The following AGBL1 variants were observed in gnomAD, a reference collection of about 807,000 sequenced individuals.
The protein encoded by AGBL1 is AGBL carboxypeptidase 1, also known as cytosolic carboxypeptidase 4.
Under a neutral mutation model 118.9 loss-of-function variants are expected in AGBL1, and 130 were observed. The ratio of observed to expected loss-of-function variants is 1.09; its 90% CI spans 0.95 to 1.26. The LOEUF (loss-of-function observed/expected upper bound fraction) is 1.26. AGBL1 is among the 50% of genes most tolerant of loss of function. The pLI, the probability that AGBL1 is intolerant of heterozygous loss-of-function variation, is 0.00. For missense variants in AGBL1, 1,584 were observed against 1,298.1 expected (o/e 1.22, Z -3.38); for synonymous variants, 555 against 478.9 (o/e 1.16, Z -2.08).
At chr15:86,342,215 C>T (rs2080471757) in intron 17 of AGBL1, among the ~76,000 whole-genome samples, 2 of 152,272 alleles carry the variant, frequency 1.3e-5, no homozygotes, top group East Asian at 1.9e-4. Flanking sequence ...AAGCTTTTTA[C>T]AGGATGAACA....
intron 22 of AGBL1, among the ~76,000 whole-genome samples, chr15:86,815,418 C>T (rs2078844613): frequency 6.6e-6 from 1 of 152,150 alleles, no homozygotes; most frequent in African/African-American, 2.4e-5. Flanking sequence ...GACATTCCCA[C>T]TTACTGCAAG....
downstream of AGBL1, among the ~76,000 whole-genome samples, chr15:87,030,013 G>GA (rs1017329286): frequency 1.4e-4 from 21 of 149,794 alleles, no homozygotes; most frequent in East Asian, 7.8e-4. Flanking sequence ...AAGGATAAAT[G>GA]AAAAAAAAAT....
At chr15:86,358,257 C>T (rs1209771759) in intron 17 of AGBL1, among the ~76,000 whole-genome samples, 2 of 152,006 alleles carry the variant, frequency 1.3e-5, no homozygotes, top group African/African-American at 4.8e-5. Context: ...TTTTTACAGT[C>T]CACATAAAAG....
chr15:86,964,439 A>T (rs2081029017), intron 23 of AGBL1, among the ~76,000 whole-genome samples: 1 of 151,890 alleles, frequency 6.6e-6, no homozygotes, highest in African/African-American at 2.4e-5. Context: ...GTGTCCAGAC[A>T]TGGCCAAATG....
chr15:86,381,972 G>A (rs1056541223), intron 17 of AGBL1, among the ~76,000 whole-genome samples: 4 of 152,152 alleles, frequency 2.6e-5, no homozygotes, highest in East Asian at 1.9e-4. Flanking sequence ...TGGAGAGGAC[G>A]GAAAATATCC....
chr15:86,264,304 A>C lies in AGBL1; in HGVS notation c.1133A>C (p.Gln378Pro), dbSNP rs778696744. ...LGDDLNSEKTQYANHHHIPAA... is the reference protein window; with the variant it reads ...LGDDLNSEKTPYANHHHIPAA... ...GATGATTTGAACTCTGAAAAGACTC[A>C]GTATGCCAATCACCACCACATTCCA... The change falls in exon 11 of 23, where the codon CAG becomes CCG. Residue 378 changes from glutamine (Q) to proline (P), a missense_variant. Coordinates refer to ENST00000614907, the MANE Select transcript of AGBL1 (RefSeq NM_001386094.1). The C allele has an allele frequency of 6.2e-7, 1 of 1,609,722 alleles. No individual in the cohort carries two copies. Among genetic ancestry groups the C allele is most frequent in the Non-Finnish European group, 8.5e-7 (1 of 1,177,978 alleles).
At chr15:86,925,724 T>TC (rs970715486) in intron 23 of AGBL1, among the ~76,000 whole-genome samples, 3 of 138,258 alleles carry the variant, frequency 2.2e-5, no homozygotes, top group African/African-American at 7.5e-5. Flanking sequence ...TCTTTTCTTT[T>TC]TTTTTTTTTT....
intron 22 of AGBL1, among the ~76,000 whole-genome samples, chr15:86,692,442 C>G (rs1360525241): frequency 6.6e-6 from 1 of 152,070 alleles, no homozygotes; most frequent in African/African-American, 2.4e-5. Flanking sequence ...GAATTGCCCT[C>G]ACCTATGAAA....
chr15:86,860,069 T>C (rs369497855), intron 22 of AGBL1, among the ~76,000 whole-genome samples: 2 of 152,174 alleles, frequency 1.3e-5, no homozygotes, highest in East Asian at 1.9e-4. Context: ...ACTTTAATGA[T>C]TGATTTTGGG....
chr15:86,433,266 CTTTTTTTTT>C (rs59417397), intron 18 of AGBL1, among the ~76,000 whole-genome samples: 109 of 74,894 alleles, frequency 1.5e-3, no homozygotes, highest in East Asian at 4.7e-3. Flanking sequence ...CCTCCTTCTT[CTTTTTTTTT>C]TTTTTTTTTT....
At chr15:86,396,588 CAA>C (rs2081368160) in intron 17 of AGBL1, among the ~76,000 whole-genome samples, 1 of 152,050 alleles carries the variant, frequency 6.6e-6, no homozygotes, top group Non-Finnish European at 1.5e-5. Flanking sequence ...CATGGAATTC[CAA>C]AGATACTGCT....
intron 5 of AGBL1, among the ~76,000 whole-genome samples, chr15:86,197,460 T>C (rs2077832548): frequency 6.6e-6 from 1 of 152,188 alleles, no homozygotes; most frequent in African/African-American, 2.4e-5. Flanking sequence ...TGTTATGAAG[T>C]GGCAAATAAC....
chr15:86,284,193 A>AT (rs1567177302), intron 16 of AGBL1, among the ~76,000 whole-genome samples: 2 of 30,708 alleles, frequency 6.5e-5, no homozygotes, highest in African/African-American at 1.2e-4. Context: ...AATTAAAATA[A>AT]AAAAAAAAAA....
intron 22 of AGBL1, among the ~76,000 whole-genome samples, chr15:86,730,279 A>G (rs1269266017): frequency 1.3e-5 from 2 of 152,228 alleles, no homozygotes; most frequent in African/African-American, 4.8e-5. Context: ...ATTAAACTAA[A>G]GAGCCTCTGC....
chr15:86,113,253 TTTTC>T (rs1322722493), intron 1 of AGBL1, among the ~76,000 whole-genome samples: 1,825 of 73,438 alleles, frequency 0.025, 16 homozygotes, highest in African/African-American at 0.032. Flanking sequence ...TTTTCTTTTC[TTTTC>T]TTTCTTTCTT....
chr15:86,901,569 A>G (rs2080212556), intron 22 of AGBL1, among the ~76,000 whole-genome samples: 1 of 152,130 alleles, frequency 6.6e-6, no homozygotes, highest in South Asian at 2.1e-4. Flanking sequence ...AAAGAGTCCT[A>G]AGACAAATAG....
At chr15:86,526,752 G>A (rs78690863) in intron 19 of AGBL1, among the ~76,000 whole-genome samples, 3,419 of 151,898 alleles carry the variant, frequency 0.023, 69 homozygotes, top group Middle Eastern at 0.072. Flanking sequence ...CCTATGTGAA[G>A]TAACCCAGGA....
intron 1 of AGBL1, among the ~76,000 whole-genome samples, chr15:86,132,303 T>C (rs1447685713): frequency 1.3e-5 from 2 of 152,110 alleles, no homozygotes; most frequent in African/African-American, 4.8e-5. Flanking sequence ...AGCCTCCCTG[T>C]CCTGAATGCT....
chr15:86,527,411 TC>T (rs1235720060), intron 19 of AGBL1, among the ~76,000 whole-genome samples: 9 of 152,220 alleles, frequency 5.9e-5, no homozygotes, highest in Non-Finnish European at 1.2e-4. Flanking sequence ...CAGACATGTT[TC>T]CTGCTGGGAC....
Sources: gnomAD v4.1 joint callset for allele counts (sites outside exome capture counted in the v4.1 genomes callset) on GRCh38, gnomAD v4.1.1 for gene constraint, MANE v1.5 for transcripts, NCBI Gene and HGNC (gene_info 2026-07-23, HGNC 2026-07-21) for gene names.